TTC34: variants seen among roughly 807,000 people sequenced by gnomAD.
TTC34 encodes tetratricopeptide repeat domain 34, also known as tetratricopeptide repeat protein 34.
In TTC34, 44 loss-of-function variants were observed where a neutral mutation model predicts 40.7. The ratio of observed to expected loss-of-function variants is 1.08; its 90% CI spans 0.85 to 1.39. The LOEUF (loss-of-function observed/expected upper bound fraction) is 1.39. Ranked by LOEUF, TTC34 falls within the 40% of genes most tolerant of loss-of-function variation. The pLI is 0.00. For synonymous variants in TTC34, 422 were observed against 398.6 expected, an observed-to-expected ratio of 1.06 and a Z score of -0.70; for missense variants, 884 against 838.0, an observed-to-expected ratio of 1.05 and a Z score of -0.68.
At chr1:2,781,484 T>G (rs1055384647) in intron 6 of TTC34, among the ~76,000 whole-genome samples, 1 of 152,234 alleles carries the variant, frequency 6.6e-6, no homozygotes, top group Non-Finnish European at 1.5e-5. Flanking sequence ...ACAGAGATAA[T>G]TTTACTTCTT....
At chr1:2,691,621 C>T (rs550338955) in intron 6 of TTC34, among the ~76,000 whole-genome samples, 1,134 of 90,128 alleles carry the variant, frequency 0.013, 1 homozygote, top group Middle Eastern at 0.028. Flanking sequence ...CAGCACCCTG[C>T]ACCCCCAGGT....
exon 9 of TTC34, chr1:2,639,035 G>A (rs1379699983): frequency 6.6e-6 from 1 of 152,272 alleles, no homozygotes; most frequent in Non-Finnish European, 1.5e-5. Flanking sequence ...ACATGGTGGA[G>A]GGGCTTGGGA....
chr1:2,755,920 G>GA (rs1210933845), intron 6 of TTC34, among the ~76,000 whole-genome samples: 2 of 80,148 alleles, frequency 2.5e-5, no homozygotes, highest in Non-Finnish European at 4.3e-5. Context: ...GTGAGCATCT[G>GA]ACAGCCTGGA....
chr1:2,684,051 T>A (rs1303722533), intron 6 of TTC34, among the ~76,000 whole-genome samples: 1 of 150,996 alleles, frequency 6.6e-6, no homozygotes, highest in African/African-American at 2.4e-5. Context: ...GGTGAGCATT[T>A]GACAGCCTGG....
At chr1:2,697,760 CCA>C (rs372577703) in intron 6 of TTC34, among the ~76,000 whole-genome samples, 19 of 144,296 alleles carry the variant, frequency 1.3e-4, no homozygotes, top group South Asian at 2.3e-4. Context: ...GGAAGAGCAA[CCA>C]CACCCCCAGG....
chr1:2,646,107 C>A lies in TTC34; in HGVS notation c.2227-544G>T, dbSNP rs544960669. 2.0e-5 allele frequency among the ~76,000 whole-genome samples: 3 copies of A among 152,310 alleles called. No individual in the cohort carries two copies. In the South Asian group the frequency reaches 6.2e-4, roughly 32 times the overall value. ...AGTGGAAGGAGGGTGCCCAGCCCATCTGGTGCACAATACCGCGCCTGGCCC... is the reference window on the plus strand; with the variant it reads ...AGTGGAAGGAGGGTGCCCAGCCCATATGGTGCACAATACCGCGCCTGGCCC... On this transcript the variant is annotated intron_variant, in intron 6 of 8. Coordinates refer to ENST00000401095, the Ensembl canonical transcript of TTC34.
chr1:2,671,878 C>A, intron 6 of TTC34, among the ~76,000 whole-genome samples: 1 of 150,542 alleles, frequency 6.6e-6, no homozygotes, highest in African/African-American at 2.4e-5. Context: ...CACCCCCAGG[C>A]GAGCATCTGA....
intron 6 of TTC34, among the ~76,000 whole-genome samples, chr1:2,698,812 C>T (rs1640988636): frequency 6.7e-6 from 1 of 148,502 alleles, no homozygotes; most frequent in Non-Finnish European, 1.5e-5. Flanking sequence ...CCCACACCCA[C>T]AGGTGAGCAT....
chr1:2,641,332 G>T (rs1443667523), exon 9 of TTC34: 1 of 1,457,730 alleles, frequency 6.9e-7, no homozygotes, highest in East Asian at 2.5e-5. Flanking sequence ...TGCTAGGGTG[G>T]CCCCGTGATT....
At chr1:2,688,542 C>A (rs1569572289) in intron 6 of TTC34, among the ~76,000 whole-genome samples, 1 of 144,128 alleles carries the variant, frequency 6.9e-6, no homozygotes, top group East Asian at 2.0e-4. Flanking sequence ...CACAGGCGAG[C>A]ACCTGAACCC....
chr1:2,779,905 C>A (rs879927848), intron 6 of TTC34, among the ~76,000 whole-genome samples: 1 of 151,964 alleles, frequency 6.6e-6, no homozygotes, highest in Non-Finnish European at 1.5e-5. Flanking sequence ...CTGTTTAAGT[C>A]CTTTGCTCAT....
chr1:2,758,483 G>A (rs1168990381), intron 6 of TTC34, among the ~76,000 whole-genome samples: 3 of 83,958 alleles, frequency 3.6e-5, no homozygotes, highest in African/African-American at 1.7e-4. Context: ...ACACACCCAG[G>A]CGAGCATCTG....
intron 6 of TTC34, among the ~76,000 whole-genome samples, chr1:2,695,841 G>GATGAACATCCGACAGTCTGGAGCA (rs1640838807): frequency 6.6e-6 from 1 of 151,132 alleles, no homozygotes; most frequent in Non-Finnish European, 1.5e-5. Flanking sequence ...CACACCCCCA[G>GATGAACATCCGACAGTCTGGAGCA]GTGAACATCC....
chr1:2,777,704 G>C (rs548996659), intron 6 of TTC34, among the ~76,000 whole-genome samples: 1 of 148,476 alleles, frequency 6.7e-6, no homozygotes, highest in East Asian at 2.0e-4. Context: ...GGGGGGCGCA[G>C]CATCAGCCCA....
intron 6 of TTC34, among the ~76,000 whole-genome samples, chr1:2,698,916 G>GCACCC (rs1640995049): frequency 9.6e-6 from 1 of 104,364 alleles, no homozygotes. Context: ...ACAGCCTGGA[G>GCACCC]TAGTATCCTG....
At chr1:2,692,660 C>CA (rs1640679927) in intron 6 of TTC34, among the ~76,000 whole-genome samples, 55 of 113,524 alleles carry the variant, frequency 4.8e-4, no homozygotes, top group South Asian at 6.0e-4. Flanking sequence ...GAGCAGCACC[C>CA]CACACCCACA....
intron 6 of TTC34, among the ~76,000 whole-genome samples, chr1:2,652,487 C>G: frequency 2.9e-5 from 1 of 34,738 alleles, no homozygotes; most frequent in African/African-American, 8.7e-5. Context: ...ACCCACACCC[C>G]CAGGCGAGCA....
chr1:2,687,255 G>A (rs1319140855), intron 6 of TTC34, among the ~76,000 whole-genome samples: 23 of 130,544 alleles, frequency 1.8e-4, no homozygotes, highest in African/African-American at 6.7e-4. Context: ...CCCCAGGTGC[G>A]CATCTGATGG....
intron 6 of TTC34, among the ~76,000 whole-genome samples, chr1:2,686,981 C>A (rs1263918109): frequency 7.1e-5 from 7 of 98,974 alleles, no homozygotes; most frequent in East Asian, 6.6e-4. Context: ...CGAGCATCCG[C>A]CAGCCTGGAA....
Sources: gnomAD v4.1 joint callset for allele counts (sites outside exome capture counted in the v4.1 genomes callset) on GRCh38, gnomAD v4.1.1 for gene constraint, MANE v1.5 for transcripts, NCBI Gene and HGNC (gene_info 2026-07-23, HGNC 2026-07-21) for gene names.